DAP3: variants seen among roughly 807,000 people sequenced by gnomAD.
The protein encoded by DAP3 is small ribosomal subunit protein mS29.
In DAP3, 28 loss-of-function variants were observed where a neutral mutation model predicts 51.9. The ratio of observed to expected loss-of-function variants is 0.54; its 90% CI spans 0.40 to 0.74. DAP3 has a LOEUF of 0.74. Among genes scored for constraint, DAP3 ranks in the 30% least tolerant of loss-of-function variants. The pLI is 0.00. For synonymous variants in DAP3, 170 were observed against 170.3 expected (o/e 1.00, Z 0.01); for missense variants, 458 against 483.5 (o/e 0.95, Z 0.49).
intron 2 of DAP3, among the ~76,000 whole-genome samples, chr1:155,713,016 G>A (rs1656906735): frequency 6.6e-6 from 1 of 152,180 alleles, no homozygotes; most frequent in African/African-American, 2.4e-5. Context: ...TGTTTGTGTT[G>A]TGTGTATGTG....
upstream of DAP3, chr1:155,688,712 C>T (rs1358057375): frequency 1.1e-5 from 16 of 1,520,592 alleles, no homozygotes; most frequent in South Asian, 1.7e-4. Context: ...CCTCCCCCTC[C>T]CTCCCCGCCC....
intron 1 of DAP3, among the ~76,000 whole-genome samples, chr1:155,702,708 C>T (rs899444776): frequency 3.3e-5 from 5 of 151,964 alleles, no homozygotes; most frequent in East Asian, 1.9e-4. Flanking sequence ...CGATGGCTCA[C>T]GCCTGTAATC....
intron 1 of DAP3, chr1:155,689,672 G>GGGA (rs1653414234): frequency 3.1e-6 from 1 of 327,738 alleles, no homozygotes; most frequent in South Asian, 2.4e-5. Context: ...CCAGCACTTT[G>GGGA]GGAGGCCGAG....
intron 1 of DAP3, among the ~76,000 whole-genome samples, chr1:155,707,099 C>A (rs961016244): frequency 3.4e-5 from 4 of 116,844 alleles, no homozygotes; most frequent in South Asian, 5.5e-4. Context: ...CTCAAAAAAA[C>A]CAAAACAAAA....
At chr1:155,734,536 T>G (rs898189305) in intron 11 of DAP3, among the ~76,000 whole-genome samples, 1 of 152,148 alleles carries the variant, frequency 6.6e-6, no homozygotes, top group Admixed American at 6.6e-5. Context: ...CAGACCCCTC[T>G]TATACTTCCC....
At chr1:155,715,233 C>T (rs969764222) in intron 2 of DAP3, among the ~76,000 whole-genome samples, 1 of 149,504 alleles carries the variant, frequency 6.7e-6, no homozygotes, top group East Asian at 2.0e-4. Context: ...CAAAAAGCTG[C>T]TTGGTGAGCC....
At chr1:155,720,787 C>T (rs1298559916) in intron 3 of DAP3, among the ~76,000 whole-genome samples, 1 of 151,754 alleles carries the variant, frequency 6.6e-6, no homozygotes, top group Non-Finnish European at 1.5e-5. Flanking sequence ...GCCTGTAATC[C>T]CAGCACTTTG....
intron 1 of DAP3, among the ~76,000 whole-genome samples, chr1:155,707,674 AATC>A (rs1656174553): frequency 6.6e-6 from 1 of 152,100 alleles, no homozygotes; most frequent in African/African-American, 2.4e-5. Context: ...GCCCTGCCCC[AATC>A]TTCTTCCCTT....
At chr1:155,725,868 T>C in intron 5 of DAP3, 59 bp from the exon 6 acceptor site, 1 of 1,525,000 alleles carries the variant, frequency 6.6e-7, no homozygotes, top group Middle Eastern at 1.7e-4. Flanking sequence ...AAAGCATAAC[T>C]ACTGTTCACA....
At position 155,691,058 on chromosome 1, in the gene DAP3, C is replaced by T. The variant is rs535006408; in HGVS notation, c.-8+1884C>T. On this transcript the variant is annotated intron_variant, in intron 1 of 12. Coordinates refer to ENST00000368336, the MANE Select transcript of DAP3 (RefSeq NM_004632.4). ...GAGTAGCTGGGACTACAGGCACCCG[C>T]CACCACGTCCAGCTAATTTTTTGTA... is the stretch of plus-strand genomic sequence containing the variant. 1.6e-3 allele frequency among the ~76,000 whole-genome samples: 222 copies of T among 142,008 alleles called. 61 individuals are homozygous for T. The highest frequency in any genetic ancestry group is 6.8e-3 in the African/African-American group (215 of 31,466). The allele number at this position is 142,008 out of a possible 152,430, so 93.2% of individuals were successfully genotyped here.
intron 5 of DAP3, 41 bp from the exon 6 acceptor site, chr1:155,725,886 G>A: frequency 1.3e-6 from 2 of 1,581,416 alleles, no homozygotes; most frequent in Non-Finnish European, 1.7e-6. Context: ...ACATACAAGT[G>A]ATCCTTCCAG....
intron 4 of DAP3, 69 bp downstream of exon 4, chr1:155,721,687 C>T (rs758590252): frequency 7.0e-7 from 1 of 1,429,148 alleles, no homozygotes; most frequent in Admixed American, 1.9e-5. Context: ...AGGGGTGGGG[C>T]TAAATGAGAA....
At chr1:155,688,569 A>G, upstream of DAP3, 1 of 1,537,782 alleles carries the variant, frequency 6.5e-7, no homozygotes. Context: ...GCCATCCCGT[A>G]CGCGCTCACC....
intron 1 of DAP3, among the ~76,000 whole-genome samples, chr1:155,691,627 T>C (rs1250300351): frequency 7.0e-6 from 1 of 141,904 alleles, no homozygotes; most frequent in African/African-American, 3.2e-5. Flanking sequence ...GTTCATATGG[T>C]AACTCCATGT....
intron 2 of DAP3, among the ~76,000 whole-genome samples, chr1:155,716,803 C>T (rs1381427173): frequency 3.3e-5 from 5 of 151,844 alleles, no homozygotes; most frequent in East Asian, 1.9e-4. Flanking sequence ...AAAAATCAGC[C>T]GGGTGTGGTG....
chr1:155,717,544 T>C (rs1657478270), intron 3 of DAP3, among the ~76,000 whole-genome samples: 1 of 152,208 alleles, frequency 6.6e-6, no homozygotes, highest in African/African-American at 2.4e-5. Flanking sequence ...AGATGATCTG[T>C]CACAAGTACT....
chr1:155,718,258 C>T (rs560266110), intron 3 of DAP3, among the ~76,000 whole-genome samples: 12 of 152,212 alleles, frequency 7.9e-5, no homozygotes, highest in Admixed American at 5.2e-4. Flanking sequence ...TGGTGGCGGG[C>T]ACCTGTAATC....
intron 2 of DAP3, among the ~76,000 whole-genome samples, chr1:155,711,509 T>A (rs1015276853): frequency 4.8e-4 from 73 of 151,586 alleles, no homozygotes; most frequent in African/African-American, 1.4e-3. Flanking sequence ...AAAAAAAAAA[T>A]TTCCTCTTTC....
chr1:155,689,300 T>G (rs1479451487), intron 1 of DAP3, 126 bp downstream of exon 1: 41 of 623,526 alleles, frequency 6.6e-5, no homozygotes, highest in Non-Finnish European at 4.2e-5. Flanking sequence ...TCCCGGGCGT[T>G]GAGTTGCCAA....
Sources: allele counts gnomAD v4.1 joint callset (sites outside exome capture counted in the v4.1 genomes callset), GRCh38; gene constraint gnomAD v4.1.1; transcripts MANE v1.5; gene names NCBI Gene and HGNC (gene_info 2026-07-23, HGNC 2026-07-21).